Variants in IQCE observed in about 807,000 individuals in gnomAD.
IQCE encodes the protein IQ motif containing E, also known as IQ domain-containing protein E.
In IQCE, 115 loss-of-function variants were observed where a neutral mutation model predicts 96.0. That is an observed-to-expected ratio of 1.20 (90% CI 1.03 to 1.40). The LOEUF (loss-of-function observed/expected upper bound fraction) is 1.40. IQCE is among the 40% of genes most tolerant of loss of function. The probability of loss-of-function intolerance (pLI) is 0.00; values close to 1 mark genes in which losing one functional copy is unlikely to be tolerated. For synonymous variants in IQCE, 412 were observed against 371.2 expected, an observed-to-expected ratio of 1.11 and a Z score of -1.26; for missense variants, 1,041 against 909.1, an observed-to-expected ratio of 1.15 and a Z score of -1.87.
intron 5 of IQCE, chr7:2,572,719 T>C (rs917103244): frequency 3.7e-5 from 17 of 459,230 alleles, no homozygotes; most frequent in African/African-American, 3.4e-4. Flanking sequence ...CCTAGTCTCT[T>C]TTTTTTTAGA....
At chr7:2,587,937 G>T in intron 13 of IQCE, 60 bp downstream of exon 13, 1 of 1,480,806 alleles carries the variant, frequency 6.8e-7, no homozygotes, top group Non-Finnish European at 9.4e-7. Flanking sequence ...CTGTGGGGAC[G>T]GGCTCACAGG....
At chr7:2,559,673 C>T (rs1022831180) in intron 1 of IQCE, among the ~76,000 whole-genome samples, 3 of 149,984 alleles carry the variant, frequency 2.0e-5, no homozygotes, top group African/African-American at 7.4e-5. Context: ...CGATGTACTC[C>T]CCAGGGCGAG....
rs778722412 is a variant in IQCE at position 2,578,545 on chromosome 7, G to A, written c.630+19G>A. The A allele has an allele frequency of 5.0e-6, 8 of 1,613,726 alleles. No homozygotes were observed. The highest frequency in any genetic ancestry group is 1.7e-5 in the Admixed American group (1 of 59,996). ...CAGTTGGGTGAGTATGGTGTGTGCAGGACAGAGCCTTTCCCCAGACGCTAG... is the reference window on the plus strand; with the variant it reads ...CAGTTGGGTGAGTATGGTGTGTGCAAGACAGAGCCTTTCCCCAGACGCTAG... On this transcript the variant is annotated intron_variant, in intron 8 of 21. Coordinates refer to ENST00000402050, the MANE Select transcript of IQCE (RefSeq NM_152558.5).
intron 6 of IQCE, among the ~76,000 whole-genome samples, chr7:2,575,255 G>A (rs796775604): frequency 5.3e-5 from 8 of 152,298 alleles, no homozygotes; most frequent in East Asian, 1.9e-4. Context: ...GTACCACCTC[G>A]TTATCACCCG....
In IQCE at chr7:2,567,102, C is replaced by T; in HGVS notation, c.37-14C>T. On this transcript the variant is annotated splice_polypyrimidine_tract_variant and intron_variant, in intron 1 of 21. Coordinates refer to ENST00000402050, the MANE Select transcript of IQCE (RefSeq NM_152558.5). ...GGTGCCGTCGAGTTACAGTGTTTGC[C>T]TCTCTTCCTCCAGGGAGATGACAGT... 1 of 1,613,080 alleles carries T rather than the reference C, an allele frequency of 6.2e-7. No individual in the cohort carries two copies. The highest frequency in any genetic ancestry group is 8.5e-7 in the Non-Finnish European group (1 of 1,179,158).
intron 6 of IQCE, among the ~76,000 whole-genome samples, chr7:2,576,954 A>T (rs1583421314): frequency 6.6e-6 from 1 of 152,132 alleles, no homozygotes; most frequent in Non-Finnish European, 1.5e-5. Flanking sequence ...TTAGGCGCGC[A>T]TTCCGTGGGA....
At chr7:2,598,897 G>A (rs1013750931) in intron 17 of IQCE, among the ~76,000 whole-genome samples, 1 of 152,224 alleles carries the variant, frequency 6.6e-6, no homozygotes, top group African/African-American at 2.4e-5. Flanking sequence ...TAGACGTTAT[G>A]AAACATCGGC....
chr7:2,561,751 T>C (rs1221409448), intron 1 of IQCE, among the ~76,000 whole-genome samples: 1 of 152,254 alleles, frequency 6.6e-6, no homozygotes, highest in Non-Finnish European at 1.5e-5. Flanking sequence ...GAATCTCATA[T>C]CCTGCAAACT....
chr7:2,574,394 G>T (rs1169268535), intron 6 of IQCE, among the ~76,000 whole-genome samples: 1 of 152,184 alleles, frequency 6.6e-6, no homozygotes. Context: ...AAAAGACAGC[G>T]CCTTCTCTGT....
Position 2,564,326 on chromosome 7 carries a change from G to T in IQCE, c.37-2790G>T, listed in dbSNP as rs575402753. Among the ~76,000 whole-genome samples the T allele has an allele frequency of 4.1e-4, 63 of 152,214 alleles. No homozygotes were observed. The South Asian group carries it at 0.012, about 30-fold the overall frequency. On this transcript the variant is annotated intron_variant, in intron 1 of 21. Coordinates refer to ENST00000402050, the MANE Select transcript of IQCE (RefSeq NM_152558.5). The stretch of plus-strand genomic sequence containing the variant: ...GTTTAATATCCAGGCCAGGCACAGT[G>T]ACTCACACCTATAGCCCCAGCACTT...
Position 2,611,471 on chromosome 7 carries a change from T to G in IQCE, c.*1309T>G, listed in dbSNP as rs1019047634. ...AAGGCTTCCGTCCACGGGGACAGGCTTAACCCCTGGGCGCCTTTTCTGCAG... is the reference window on the plus strand; with the variant it reads ...AAGGCTTCCGTCCACGGGGACAGGCGTAACCCCTGGGCGCCTTTTCTGCAG... On this transcript the variant is annotated 3_prime_UTR_variant, in exon 22 of 22. Coordinates refer to ENST00000402050, the MANE Select transcript of IQCE (RefSeq NM_152558.5). 4 of 152,256 alleles carry G rather than the reference T, an allele frequency of 2.6e-5. No individual in the cohort carries two copies. The highest frequency in any genetic ancestry group is 9.6e-5 in the African/African-American group (4 of 41,458). 9.4% of individuals were successfully genotyped at this position (152,256 alleles called of 1,614,324 possible). A position where few individuals can be genotyped will look rare whatever the true frequency, so the allele number is the denominator to read the frequency against.
At chr7:2,573,966 T>A (rs571918392) in intron 6 of IQCE, among the ~76,000 whole-genome samples, 1 of 152,174 alleles carries the variant, frequency 6.6e-6, no homozygotes, top group East Asian at 1.9e-4. Flanking sequence ...CTCAGCGACG[T>A]TAGTGGTCTG....
Position 2,571,646 on chromosome 7 carries a change from C to T in IQCE, c.251C>T (p.Ala84Val). The T allele has an allele frequency of 6.3e-7, 1 of 1,599,554 alleles. No individual in the cohort carries two copies. The highest frequency in any genetic ancestry group is 8.5e-7 in the Non-Finnish European group (1 of 1,179,842). Residue 84 changes from alanine to valine, a missense_variant, in exon 4 of 22, where the codon GCA (alanine) becomes GTA (valine). Transcript: ENST00000402050. ...LTPQKLWLGT[A>V]KPGSLTQALN... ...CCGCAGAAGCTGTGGCTGGGAACCG[C>T]AAAGCCAGGTATGTGGTTGTCGCAC...
intron 11 of IQCE, among the ~76,000 whole-genome samples, chr7:2,585,427 A>G (rs939302685): frequency 6.6e-6 from 1 of 152,204 alleles, no homozygotes; most frequent in Non-Finnish European, 1.5e-5. Context: ...GTGATTGTGG[A>G]TTAATTTTCA....
chr7:2,606,498 C>T (rs576225565), intron 20 of IQCE, among the ~76,000 whole-genome samples: 27 of 152,172 alleles, frequency 1.8e-4, no homozygotes, highest in Admixed American at 1.2e-3. Flanking sequence ...TGAGCCTGGC[C>T]GGGGGGAGTT....
intron 21 of IQCE, 117 bp from the exon 22 acceptor site, chr7:2,609,927 T>G (rs1171443981): frequency 4.5e-6 from 3 of 664,762 alleles, no homozygotes; most frequent in Non-Finnish European, 8.1e-6. Context: ...GCTTACTGCT[T>G]CTCGGGGTGG....
chr7:2,598,731 C>T (rs1784238788), intron 17 of IQCE, 99 bp downstream of exon 17: 2 of 1,063,580 alleles, frequency 1.9e-6, no homozygotes, highest in Admixed American at 3.7e-5. Context: ...GGAGGGCCAG[C>T]CAGGCCCCAG....
intron 1 of IQCE, among the ~76,000 whole-genome samples, chr7:2,565,256 C>A (rs10156198): frequency 1.3e-5 from 2 of 148,354 alleles, no homozygotes; most frequent in Non-Finnish European, 3.0e-5. Flanking sequence ...TGTGTGCATG[C>A]GTGTGTGTGT....
At position 2,593,278 on chromosome 7, in the gene IQCE, G is replaced by A. The variant is rs946478164; in HGVS notation, c.1349+152G>A. ...GTCTTTCATGGTTTTCTGTCACCCAGCCCGGGACTAACCTCTTGGTGCTGA... is the reference window on the plus strand; with the variant it reads ...GTCTTTCATGGTTTTCTGTCACCCAACCCGGGACTAACCTCTTGGTGCTGA... On this transcript the variant is annotated intron_variant, in intron 15 of 21. Transcript: ENST00000402050. 1.5e-5 allele frequency: 19 copies of A among 1,293,474 alleles called. No homozygotes were observed. The Admixed American group carries it at 3.7e-4, about 25-fold the overall frequency. The allele number at this position is 1,293,474 out of a possible 1,614,324, so 80.1% of individuals were successfully genotyped here.
Sources: gnomAD v4.1 joint callset for allele counts (sites outside exome capture counted in the v4.1 genomes callset) on GRCh38, gnomAD v4.1.1 for gene constraint, MANE v1.5 for transcripts, NCBI Gene and HGNC (gene_info 2026-07-23, HGNC 2026-07-21) for gene names.